MOSPD1: variants seen among roughly 807,000 people sequenced by gnomAD.
The protein encoded by MOSPD1 is motile sperm domain-containing protein 1.
A neutral mutation model predicts 16.7 loss-of-function variants in MOSPD1; 5 were observed. The observed-to-expected ratio is 0.30, with a 90% CI of 0.16 to 0.63. The LOEUF (loss-of-function observed/expected upper bound fraction) is 0.63, where lower values mean the gene tolerates loss of function less well. Among genes scored for constraint, MOSPD1 ranks in the 30% least tolerant of loss-of-function variants. The probability of loss-of-function intolerance (pLI) is 0.82; values close to 1 mark genes in which losing one functional copy is unlikely to be tolerated. For synonymous variants in MOSPD1, 67 were observed against 59.2 expected (o/e 1.13, Z -0.61); for missense variants, 104 against 153.6 (o/e 0.68, Z 1.71).
chrX:134,900,063 A>G (rs762997977), intron 1 of MOSPD1: 2 of 112,363 alleles, frequency 1.8e-5, no homozygotes, highest in South Asian at 3.6e-4. Flanking sequence ...CTCCTTTCAC[A>G]TTGAGGATTT....
At chrX:134,897,655 GCAATTGTTTATT>G (rs1258488116) in intron 3 of MOSPD1, among the ~76,000 whole-genome samples, 1 of 103,975 alleles carries the variant, frequency 9.6e-6, no homozygotes, top group East Asian at 3.0e-4. Context: ...AGGAATACAT[GCAATTGTTTATT>G]CCCCACAAAC....
At chrX:134,891,448 T>C (rs776278249) in intron 5 of MOSPD1, 31 bp downstream of exon 5, 1 of 1,193,126 alleles carries the variant, frequency 8.4e-7, no homozygotes, top group South Asian at 1.8e-5. Flanking sequence ...GCCCTACACA[T>C]ATGTCCCAAA....
intron 4 of MOSPD1, among the ~76,000 whole-genome samples, chrX:134,894,473 T>C (rs1158491929): frequency 1.8e-5 from 2 of 112,103 alleles, no homozygotes; most frequent in African/African-American, 6.5e-5. Context: ...ATTTTCAACA[T>C]TTTAGTTCAG....
chrX:134,895,048 C>A (rs2082879018), intron 4 of MOSPD1, among the ~76,000 whole-genome samples: 1 of 94,640 alleles, frequency 1.1e-5, no homozygotes, highest in South Asian at 4.1e-4. Flanking sequence ...ACTTTAGATA[C>A]CAAGGTTTGT....
intron 1 of MOSPD1, among the ~76,000 whole-genome samples, chrX:134,911,368 T>A (rs1053619843): frequency 2.7e-5 from 3 of 112,398 alleles, no homozygotes; most frequent in African/African-American, 9.7e-5. Context: ...TAGAGATGTT[T>A]TACATGTGAC....
chrX:134,903,044 A>G (rs1375647176), intron 1 of MOSPD1, among the ~76,000 whole-genome samples: 1 of 105,393 alleles, frequency 9.5e-6, no homozygotes, highest in African/African-American at 3.5e-5. Flanking sequence ...TATAATTACT[A>G]TCTTAGGAAG....
At chrX:134,907,774 GGA>G (rs2082950440) in intron 1 of MOSPD1, among the ~76,000 whole-genome samples, 1 of 112,705 alleles carries the variant, frequency 8.9e-6, no homozygotes, top group African/African-American at 3.2e-5. Context: ...GGCTGAGGCA[GGA>G]GAATTGCTTG....
At chrX:134,913,135 A>G (rs1286975708) in intron 1 of MOSPD1, among the ~76,000 whole-genome samples, 1 of 109,628 alleles carries the variant, frequency 9.1e-6, no homozygotes, top group Non-Finnish European at 1.9e-5. Flanking sequence ...GCACTTTGGG[A>G]GACCGAGGGG....
chrX:134,911,531 C>T (rs1394696174), intron 1 of MOSPD1, among the ~76,000 whole-genome samples: 1 of 112,173 alleles, frequency 8.9e-6, no homozygotes, highest in African/African-American at 3.2e-5. Context: ...AAGTCAAGAG[C>T]AAGTTCTTTG....
chrX:134,895,957 G>A (rs1984391), intron 4 of MOSPD1, among the ~76,000 whole-genome samples: 48,445 of 109,729 alleles, frequency 0.44, 7,899 homozygotes, highest in African/African-American at 0.55. Context: ...TTATTGAAAT[G>A]AACATCCTAA....
chrX:134,891,346 CT>C, intron 5 of MOSPD1, 132 bp downstream of exon 5: 1 of 574,523 alleles, frequency 1.7e-6, no homozygotes, highest in Non-Finnish European at 2.7e-6. Flanking sequence ...TCAAAGGCAC[CT>C]GACCTCAATA....
intron 1 of MOSPD1, among the ~76,000 whole-genome samples, chrX:134,912,478 C>CT (rs1217375631): frequency 1.3e-4 from 14 of 108,665 alleles, no homozygotes; most frequent in South Asian, 8.0e-4. Flanking sequence ...CACTCCCCAC[C>CT]TTTTTTTTCT....
Position 134,899,523 on chromosome X carries a change from C to T in MOSPD1, c.-90G>A. The T allele has an allele frequency of 1.1e-6, 1 of 916,566 alleles. No individual in the cohort carries two copies. The highest frequency in any genetic ancestry group is 2.0e-5 in the African/African-American group (1 of 49,689). The allele number at this position is 916,566 out of a possible 1,213,427, so 75.5% of individuals were successfully genotyped here. A position where few individuals can be genotyped will look rare whatever the true frequency, so the allele number is the denominator to read the frequency against. ...TTAGATTCAGTTAAAAACTCCAAAG[C>T]ATTTTGGCAATCTAGAAATAGAAGG... is the stretch of plus-strand genomic sequence containing the variant. On this transcript the variant is annotated 5_prime_UTR_variant, in exon 2 of 6. It removes an upstream start codon present in the reference 5' UTR. Coordinates refer to ENST00000370783, the MANE Select transcript of MOSPD1 (RefSeq NM_019556.3).
At chrX:134,909,756 ATTTGACAC>A (rs1336261202) in intron 1 of MOSPD1, among the ~76,000 whole-genome samples, 1 of 111,632 alleles carries the variant, frequency 9.0e-6, no homozygotes, top group African/African-American at 3.3e-5. Context: ...ATTGCTTAAT[ATTTGACAC>A]TTTTGTTTTT....
chrX:134,892,600 A>G (rs1227611598), intron 4 of MOSPD1, among the ~76,000 whole-genome samples: 1 of 112,710 alleles, frequency 8.9e-6, no homozygotes, highest in Non-Finnish European at 1.9e-5. Context: ...AAAATTCTAA[A>G]AGATTTTTAA....
Position 134,899,515 on chromosome X carries a change from C to A in MOSPD1, c.-82G>T. On this transcript the variant is annotated 5_prime_UTR_variant, in exon 2 of 6. Transcript: ENST00000370783. Reference sequence around the variant, plus strand: ...GACTTTTCTTAGATTCAGTTAAAAACTCCAAAGCATTTTGGCAATCTAGAA... The same window carrying A: ...GACTTTTCTTAGATTCAGTTAAAAAATCCAAAGCATTTTGGCAATCTAGAA... The A allele has an allele frequency of 1.0e-6, 1 of 963,976 alleles. No individual in the cohort carries two copies. Among genetic ancestry groups the A allele is most frequent in the Non-Finnish European group, 1.4e-6 (1 of 724,510 alleles). 79.4% of individuals were successfully genotyped at this position (963,976 alleles called of 1,213,427 possible). A position where few individuals can be genotyped will look rare whatever the true frequency, so the allele number is the denominator to read the frequency against.
intron 1 of MOSPD1, among the ~76,000 whole-genome samples, chrX:134,914,732 C>T (rs1292563382): frequency 1.8e-5 from 2 of 112,846 alleles, no homozygotes; most frequent in East Asian, 2.8e-4. Flanking sequence ...CTGGGGCAAC[C>T]GGCTAGGCTG....
In MOSPD1 at chrX:134,895,385, T is replaced by A. The variant is rs537565319; in HGVS notation, c.448+1432A>T. 3.6e-5 allele frequency among the ~76,000 whole-genome samples: 4 copies of A among 111,863 alleles called. No individual in the cohort carries two copies. In the South Asian group the frequency reaches 1.5e-3, roughly 42 times the overall value. On this transcript the variant is annotated intron_variant, in intron 4 of 5. Transcript: ENST00000370783. The stretch of plus-strand genomic sequence containing the variant: ...TAATTATTTAGCCTTTTTAGCATGA[T>A]CTTCACCTGAATTTTAATAAATTTA...
intron 1 of MOSPD1, among the ~76,000 whole-genome samples, chrX:134,907,013 G>A (rs976767664): frequency 9.0e-6 from 1 of 111,355 alleles, no homozygotes; most frequent in African/African-American, 3.3e-5. Flanking sequence ...CAGATCACCT[G>A]AGGTCAAGAG....
Sources: allele counts gnomAD v4.1 joint callset (sites outside exome capture counted in the v4.1 genomes callset), GRCh38; gene constraint gnomAD v4.1.1; transcripts MANE v1.5; gene names NCBI Gene and HGNC (gene_info 2026-07-23, HGNC 2026-07-21).